MTREX: variants seen among roughly 807,000 people sequenced by gnomAD.
MTREX encodes the protein Mtr4 exosome RNA helicase.
In MTREX, 76 loss-of-function variants were observed where a neutral mutation model predicts 135.4. That is an observed-to-expected ratio of 0.56 (90% CI 0.47 to 0.68). The LOEUF (loss-of-function observed/expected upper bound fraction) is 0.68, where lower values mean the gene tolerates loss of function less well. Among genes scored for constraint, MTREX ranks in the 30% least tolerant of loss-of-function variants. MTREX has a pLI of 0.00. For missense variants in MTREX, 920 were observed against 1,262.1 expected (o/e 0.73, Z 4.11); for synonymous variants, 404 against 401.6 (o/e 1.01, Z -0.07).
chr5:55,392,741 A>G (rs1750590315), intron 19 of MTREX, among the ~76,000 whole-genome samples: 2 of 152,250 alleles, frequency 1.3e-5, no homozygotes, highest in South Asian at 4.1e-4. Context: ...AGCCCTGTAC[A>G]TGGCCTTCTA....
chr5:55,355,975 G>T (rs961223764), intron 14 of MTREX, among the ~76,000 whole-genome samples: 2 of 152,180 alleles, frequency 1.3e-5, no homozygotes, highest in East Asian at 1.9e-4. Flanking sequence ...AGAGTCAAAG[G>T]GTTAGGGAGA....
chr5:55,382,536 C>G (rs958282466), intron 18 of MTREX, among the ~76,000 whole-genome samples: 1 of 152,058 alleles, frequency 6.6e-6, no homozygotes, highest in Admixed American at 6.6e-5. Flanking sequence ...TGTTACAAAT[C>G]CAGCAATACA....
At chr5:55,379,573 G>GACACACACACACAC (rs60169736) in intron 18 of MTREX, among the ~76,000 whole-genome samples, 4 of 143,902 alleles carry the variant, frequency 2.8e-5, no homozygotes, top group Admixed American at 7.0e-5. Context: ...AAATCTCCCT[G>GACACACACACACAC]ACACACACAC....
At chr5:55,308,526 G>C (rs1327296516) in intron 1 of MTREX, among the ~76,000 whole-genome samples, 6 of 152,038 alleles carry the variant, frequency 3.9e-5, no homozygotes, top group Non-Finnish European at 7.4e-5. Context: ...TTGATTTGGA[G>C]GGGAAAGGGC....
rs1750928264 is a variant in MTREX at position 55,414,095 on chromosome 5, A to G, written c.2752-87A>G. 4 of 908,002 alleles carry G rather than the reference A, an allele frequency of 4.4e-6. No individual in the cohort carries two copies. In the Admixed American group the frequency reaches 1.1e-4, roughly 25 times the overall value. 56.2% of individuals were successfully genotyped at this position (908,002 alleles called of 1,614,324 possible). A position where few individuals can be genotyped will look rare whatever the true frequency, so the allele number is the denominator to read the frequency against. On this transcript the variant is annotated intron_variant, in intron 23 of 26. Coordinates refer to ENST00000230640, the MANE Select transcript of MTREX (RefSeq NM_015360.5). ...ATAATTTGATATGTGACTATCTTAC[A>G]AGCTTTAATTTGTTAAAACGGGTAG...
intron 20 of MTREX, 122 bp downstream of exon 20, chr5:55,397,648 A>C (rs932365157): frequency 1.1e-5 from 6 of 523,094 alleles, no homozygotes; most frequent in African/African-American, 1.1e-4. Context: ...AAATACTACC[A>C]ATAGTGACAA....
intron 16 of MTREX, among the ~76,000 whole-genome samples, chr5:55,369,325 T>C (rs1035521282): frequency 1.3e-5 from 2 of 152,200 alleles, no homozygotes; most frequent in African/African-American, 4.8e-5. Context: ...GTATTCCTCC[T>C]AAGCAGTTAG....
At chr5:55,310,028 A>G (rs962854099) in intron 1 of MTREX, among the ~76,000 whole-genome samples, 5 of 152,206 alleles carry the variant, frequency 3.3e-5, no homozygotes, top group African/African-American at 1.2e-4. Flanking sequence ...GAGTGTTTGA[A>G]TGGGCAACTA....
Position 55,347,109 on chromosome 5 carries a change from A to T in MTREX, c.1205A>T (p.Tyr402Phe). The change falls in exon 11 of 27, where the codon TAT (tyrosine) becomes TTT (phenylalanine). Residue 402 changes from tyrosine to phenylalanine, a missense_variant. By Grantham distance (22) the Tyr-to-Phe change is conservative (BLOSUM62 3). Coordinates refer to ENST00000230640, the MANE Select transcript of MTREX (RefSeq NM_015360.5). ...FSFSKKDCEA[Y>F]ALQMTKLDFN... ...TTTAGTAAGAAAGATTGTGAAGCCT[A>T]TGCACTTCAAATGACCAAATTAGAT... 6.2e-7 allele frequency: 1 copy of T among 1,607,120 alleles called. No individual in the cohort carries two copies. Among genetic ancestry groups the T allele is most frequent in the Non-Finnish European group, 8.5e-7 (1 of 1,176,868 alleles).
intron 16 of MTREX, among the ~76,000 whole-genome samples, chr5:55,367,746 G>A (rs1335911287): frequency 6.6e-6 from 1 of 152,162 alleles, no homozygotes; most frequent in Non-Finnish European, 1.5e-5. Flanking sequence ...GTGACTGATG[G>A]TCATAAGAGC....
chr5:55,400,868 A>G (rs982091571), intron 21 of MTREX, among the ~76,000 whole-genome samples: 5 of 152,138 alleles, frequency 3.3e-5, no homozygotes, highest in African/African-American at 9.7e-5. Flanking sequence ...TTCTATCTGT[A>G]TGGTTTTGCC....
At chr5:55,403,250 AT>A (rs1225705766) in intron 21 of MTREX, among the ~76,000 whole-genome samples, 2 of 151,634 alleles carry the variant, frequency 1.3e-5, no homozygotes, top group African/African-American at 2.4e-5. Flanking sequence ...CAGTCCAGAC[AT>A]TTTTTTTCCC....
rs112054385 is a variant in MTREX at position 55,353,470 on chromosome 5, A to G, written c.1533+201A>G. ...ATAATCACAGCACTTTGGGAGGCCA[A>G]GGTGGGAGGATGATTTAAGGCCAGG... On this transcript the variant is annotated intron_variant, in intron 14 of 26. Coordinates refer to ENST00000230640, the MANE Select transcript of MTREX (RefSeq NM_015360.5). Among the ~76,000 whole-genome samples the G allele has an allele frequency of 9.6e-3, 1,467 of 152,278 alleles. 14 individuals carry two copies. Among genetic ancestry groups the G allele is most frequent in the African/African-American group, 0.034 (1,396 of 41,558 alleles).
intron 16 of MTREX, among the ~76,000 whole-genome samples, chr5:55,373,152 G>C (rs1397802941): frequency 7.3e-6 from 1 of 137,064 alleles, no homozygotes; most frequent in Non-Finnish European, 1.6e-5. Flanking sequence ...TCTTAGATCT[G>C]TTCATAATAA....
intron 18 of MTREX, among the ~76,000 whole-genome samples, chr5:55,384,112 T>A (rs1750441143): frequency 6.6e-6 from 1 of 152,206 alleles, no homozygotes; most frequent in Non-Finnish European, 1.5e-5. Context: ...TTTCTAAACC[T>A]CTCCCCTGGA....
intron 14 of MTREX, among the ~76,000 whole-genome samples, chr5:55,354,891 C>G (rs1265423545): frequency 6.6e-6 from 1 of 152,176 alleles, no homozygotes; most frequent in Admixed American, 6.5e-5. Context: ...AGCAGTCAAC[C>G]AACCGCACCC....
rs138367464 is a variant in MTREX, at chr5:55,397,307, G to T, written c.2182-109G>T. On this transcript the variant is annotated intron_variant, in intron 19 of 26. Coordinates refer to ENST00000230640, the MANE Select transcript of MTREX (RefSeq NM_015360.5). Reference sequence around the variant, plus strand: ...TGATTATTATGTACTTCTTATACCTGTTACATACCATAAATGCAACTTCCT... The same window carrying T: ...TGATTATTATGTACTTCTTATACCTTTTACATACCATAAATGCAACTTCCT... 4.3e-5 allele frequency: 25 copies of T among 581,246 alleles called. No individual in the cohort carries two copies. The highest frequency in any genetic ancestry group is 5.5e-5 in the Non-Finnish European group (18 of 326,168). 36.0% of individuals were successfully genotyped at this position (581,246 alleles called of 1,614,324 possible).
intron 26 of MTREX, chr5:55,423,482 A>G (rs186703782): frequency 9.0e-4 from 139 of 154,374 alleles, no homozygotes; most frequent in Non-Finnish European, 1.5e-3. Flanking sequence ...CTGGAGCAGA[A>G]TGGGCAGTGA....
intron 14 of MTREX, among the ~76,000 whole-genome samples, chr5:55,355,548 C>A (rs1468943896): frequency 6.6e-6 from 1 of 152,114 alleles, no homozygotes; most frequent in African/African-American, 2.4e-5. Context: ...GGCCAGGGAC[C>A]CTCTCATAGT....
Sources: allele counts gnomAD v4.1 joint callset (sites outside exome capture counted in the v4.1 genomes callset), GRCh38; gene constraint gnomAD v4.1.1; transcripts MANE v1.5; gene names NCBI Gene and HGNC (gene_info 2026-07-23, HGNC 2026-07-21).